Variants in SLC35F3 observed in about 807,000 individuals in gnomAD.
The protein encoded by SLC35F3 is solute carrier family 35 member F3, also known as putative thiamine transporter SLC35F3.
Under a neutral mutation model 49.9 loss-of-function variants are expected in SLC35F3, and 25 were observed. The ratio of observed to expected loss-of-function variants is 0.50; its 90% CI spans 0.37 to 0.70. SLC35F3 has a LOEUF of 0.70. Among genes scored for constraint, SLC35F3 ranks in the 30% least tolerant of loss-of-function variants. SLC35F3 has a pLI of 0.00. For missense variants in SLC35F3, 525 were observed against 639.8 expected (o/e 0.82, Z 1.94); for synonymous variants, 275 against 265.4 (o/e 1.04, Z -0.35).
At chr1:234,282,359 G>C (rs1668342431) in intron 3 of SLC35F3, among the ~76,000 whole-genome samples, 1 of 152,188 alleles carries the variant, frequency 6.6e-6, no homozygotes, top group African/African-American at 2.4e-5. Flanking sequence ...ACATGATACA[G>C]ATGGGGCTGG....
chr1:234,041,276 T>A (rs1242170973), intron 2 of SLC35F3, among the ~76,000 whole-genome samples: 2 of 152,172 alleles, frequency 1.3e-5, no homozygotes, highest in Non-Finnish European at 2.9e-5. Context: ...GCTGGATCTT[T>A]CTCCTCCAAG....
At chr1:233,955,949 G>A (rs970404644) in intron 2 of SLC35F3, among the ~76,000 whole-genome samples, 8 of 144,430 alleles carry the variant, frequency 5.5e-5, no homozygotes, top group South Asian at 2.2e-4. Context: ...GTGCAGTGGC[G>A]TGATCTCGGC....
chr1:234,279,078 T>A (rs192347593), intron 3 of SLC35F3, among the ~76,000 whole-genome samples: 76 of 152,232 alleles, frequency 5.0e-4, no homozygotes, highest in African/African-American at 1.7e-3. Flanking sequence ...TAGAGAAACA[T>A]GAGACATCAA....
intron 2 of SLC35F3, among the ~76,000 whole-genome samples, chr1:234,090,330 A>C (rs1665023549): frequency 1.3e-5 from 2 of 152,286 alleles, no homozygotes; most frequent in Non-Finnish European, 2.9e-5. Flanking sequence ...TACTACGGGA[A>C]GGTGCACATA....
At chr1:234,008,796 C>G (rs1261432141) in intron 2 of SLC35F3, among the ~76,000 whole-genome samples, 4 of 152,170 alleles carry the variant, frequency 2.6e-5, no homozygotes, top group Non-Finnish European at 5.9e-5. Context: ...CCTCAGGACC[C>G]CTTCTGTCAT....
At chr1:234,205,681 G>A (rs1666959637) in intron 2 of SLC35F3, among the ~76,000 whole-genome samples, 1 of 152,266 alleles carries the variant, frequency 6.6e-6, no homozygotes, top group Non-Finnish European at 1.5e-5. Context: ...GCTATGAGGA[G>A]TTGTTCTTTG....
chr1:234,111,369 G>T (rs1489413360), intron 2 of SLC35F3, among the ~76,000 whole-genome samples: 3 of 152,064 alleles, frequency 2.0e-5, no homozygotes, highest in Non-Finnish European at 4.4e-5. Context: ...TCAGCTCACT[G>T]CAACCTCCAC....
intron 2 of SLC35F3, among the ~76,000 whole-genome samples, chr1:233,922,486 C>CTTTT: frequency 8.9e-6 from 1 of 112,332 alleles, no homozygotes; most frequent in East Asian, 2.6e-4. Flanking sequence ...TTTTGATGGC[C>CTTTT]TTTTTTTTTT....
chr1:234,149,801 T>C (rs1345163889), intron 2 of SLC35F3, among the ~76,000 whole-genome samples: 1 of 152,210 alleles, frequency 6.6e-6, no homozygotes, highest in Non-Finnish European at 1.5e-5. Flanking sequence ...TGGAAGTCAG[T>C]TCAATAGAGA....
chr1:233,962,331 A>C (rs1049270092), intron 2 of SLC35F3, among the ~76,000 whole-genome samples: 39 of 152,230 alleles, frequency 2.6e-4, no homozygotes, highest in African/African-American at 8.7e-4. Flanking sequence ...TTATCAAACT[A>C]TGCTTGTCCA....
chr1:234,269,850 C>G (rs1402351085), intron 3 of SLC35F3, among the ~76,000 whole-genome samples: 4 of 152,176 alleles, frequency 2.6e-5, no homozygotes, highest in Non-Finnish European at 4.4e-5. Context: ...CTTCCCCTCT[C>G]ACCACGTGAT....
In SLC35F3 at chr1:234,202,964, C is replaced by CA. The variant is rs200012609; in HGVS notation, c.284-28452dup. ...AGGGGCACCTGGGTGGAAGAGCAACCATGACTCTCCCCAGCTCAGAGCTCT... is the reference window on the plus strand; with the variant it reads ...AGGGGCACCTGGGTGGAAGAGCAACCAATGACTCTCCCCAGCTCAGAGCTCT... On this transcript the variant is annotated intron_variant, in intron 2 of 7. Coordinates refer to ENST00000366618, the MANE Select transcript of SLC35F3 (RefSeq NM_173508.4). Among the ~76,000 whole-genome samples the CA allele has an allele frequency of 6.5e-3, 992 of 152,290 alleles. 7 individuals are homozygous for CA. The highest frequency in any genetic ancestry group is 0.031 in the South Asian group (148 of 4,828).
chr1:233,909,544 T>C (rs536790631), intron 2 of SLC35F3, among the ~76,000 whole-genome samples: 3 of 152,352 alleles, frequency 2.0e-5, no homozygotes, highest in Admixed American at 2.0e-4. Context: ...TTATGTGGAA[T>C]TGCTCTACTC....
chr1:234,155,395 GATTATT>G (rs71583784), intron 2 of SLC35F3, among the ~76,000 whole-genome samples: 4 of 149,290 alleles, frequency 2.7e-5, no homozygotes, highest in Non-Finnish European at 5.9e-5. Flanking sequence ...CTATTCACCT[GATTATT>G]ATTATTATTA....
intron 3 of SLC35F3, among the ~76,000 whole-genome samples, chr1:234,298,086 A>G (rs1267367980): frequency 6.6e-6 from 1 of 152,212 alleles, no homozygotes; most frequent in African/African-American, 2.4e-5. Context: ...ATTAAATTGT[A>G]TACATTAAAT....
intron 3 of SLC35F3, among the ~76,000 whole-genome samples, chr1:234,250,725 C>T (rs1186967650): frequency 6.6e-6 from 1 of 151,336 alleles, no homozygotes; most frequent in African/African-American, 2.4e-5. Context: ...ATGGTGCCAG[C>T]GTTTGCATCT....
At chr1:234,054,797 T>C (rs1664430832) in intron 2 of SLC35F3, among the ~76,000 whole-genome samples, 2 of 152,224 alleles carry the variant, frequency 1.3e-5, no homozygotes, top group South Asian at 2.1e-4. Flanking sequence ...TGGTCTTTAA[T>C]GATGGTGACG....
chr1:234,293,330 G>C (rs1668537974), intron 3 of SLC35F3, among the ~76,000 whole-genome samples: 1 of 152,228 alleles, frequency 6.6e-6, no homozygotes, highest in Admixed American at 6.5e-5. Flanking sequence ...GCAAGCCTGA[G>C]TCTAGGAGGC....
At chr1:233,911,283 G>A (rs1661869566) in intron 2 of SLC35F3, among the ~76,000 whole-genome samples, 1 of 152,136 alleles carries the variant, frequency 6.6e-6, no homozygotes, top group South Asian at 2.1e-4. Context: ...TCCTAAAATA[G>A]TAAAGGTCAG....
Sources: gnomAD v4.1 joint callset for allele counts (sites outside exome capture counted in the v4.1 genomes callset) on GRCh38, gnomAD v4.1.1 for gene constraint, MANE v1.5 for transcripts, NCBI Gene and HGNC (gene_info 2026-07-23, HGNC 2026-07-21) for gene names.